EPB41L3: variants seen among roughly 807,000 people sequenced by gnomAD.
EPB41L3 encodes erythrocyte membrane protein band 4.1 like 3, also known as band 4.1-like protein 3.
EPB41L3 carries 57 observed loss-of-function variants against 127.1 expected under a neutral mutation model. The observed-to-expected ratio is 0.45, with a 90% CI of 0.36 to 0.56. EPB41L3 has a LOEUF of 0.56. Ranked by LOEUF, EPB41L3 falls within the 20% of genes least tolerant of loss-of-function variation. The pLI is 0.00. For synonymous variants in EPB41L3, 572 were observed against 549.5 expected, an observed-to-expected ratio of 1.04 and a Z score of -0.57; for missense variants, 1,273 against 1,372.2, an observed-to-expected ratio of 0.93 and a Z score of 1.14.
intron 1 of EPB41L3, among the ~76,000 whole-genome samples, chr18:5,628,718 G>A (rs573224905): frequency 1.3e-5 from 2 of 152,172 alleles, no homozygotes; most frequent in Admixed American, 6.5e-5. Context: ...CGAGGGGGCG[G>A]CCGAACGCGC....
In EPB41L3 at chr18:5,458,775, G is replaced by A. The variant is rs544568841; in HGVS notation, c.382-13531C>T. 2.0e-5 allele frequency among the ~76,000 whole-genome samples: 3 copies of A among 152,342 alleles called. No individual in the cohort carries two copies. The South Asian group carries it at 6.2e-4, about 32-fold the overall frequency. Reference sequence around the variant, plus strand: ...AGTCACCATATTTAGCGGACTAACAGTTAATAATCCTATAAACGAAATGAA... The same window carrying A: ...AGTCACCATATTTAGCGGACTAACAATTAATAATCCTATAAACGAAATGAA... On this transcript the variant is annotated intron_variant, in intron 3 of 22. Transcript: ENST00000341928.
chr18:5,619,470 A>C (rs2094836072), intron 1 of EPB41L3, among the ~76,000 whole-genome samples: 1 of 152,288 alleles, frequency 6.6e-6, no homozygotes, highest in South Asian at 2.1e-4. Context: ...ACTCATTTCC[A>C]GATACAAAGT....
Position 5,478,402 on chromosome 18 carries a change from C to T in EPB41L3, c.220G>A (p.Ala74Thr). 2 of 1,614,124 alleles carry T rather than the reference C, an allele frequency of 1.2e-6. No homozygotes were observed. The highest frequency in any genetic ancestry group is 1.7e-6 in the Non-Finnish European group (2 of 1,180,014). The change falls in exon 3 of 23, where the codon GCA (alanine) becomes ACA (threonine). Residue 74 changes from alanine to threonine, a missense_variant. Physicochemically the swap from Ala to Thr is moderately conservative, Grantham distance 58. Coordinates refer to ENST00000341928, the MANE Select transcript of EPB41L3 (RefSeq NM_012307.5). ...AATTGCTGATATTCGAGCTGTTTTG[C>T]AGCCCTGGCAGCAAACTCCTGTTCC... Reference protein sequence around the residue: ...DKEQEFAARAAKQLEYQQLED... With the variant: ...DKEQEFAARATKQLEYQQLED...
chr18:5,434,763 T>C (rs2079511125), intron 6 of EPB41L3, among the ~76,000 whole-genome samples: 1 of 152,240 alleles, frequency 6.6e-6, no homozygotes, highest in Non-Finnish European at 1.5e-5. Flanking sequence ...AGTGACTACG[T>C]TACTAGTTTA....
At chr18:5,433,643 T>C (rs773554204) in intron 7 of EPB41L3, 87 bp from the exon 8 acceptor site, 65 of 1,221,978 alleles carry the variant, frequency 5.3e-5, no homozygotes, top group Non-Finnish European at 7.1e-5. Flanking sequence ...TGCTATCTCA[T>C]AAGAAGTCCT....
intron 13 of EPB41L3, 44 bp from the exon 14 acceptor site, chr18:5,410,663 A>G (rs2076089883): frequency 6.4e-7 from 1 of 1,560,540 alleles, no homozygotes; most frequent in Non-Finnish European, 8.8e-7. Context: ...GAAGGCAGGG[A>G]CAGAAAGTAA....
At chr18:5,542,603 C>T (rs2149073225) in intron 1 of EPB41L3, among the ~76,000 whole-genome samples, 1 of 152,322 alleles carries the variant, frequency 6.6e-6, no homozygotes, top group Middle Eastern at 3.4e-3. Flanking sequence ...CCGGCCCTCT[C>T]AGGACCTCCC....
chr18:5,398,137 G>C lies in EPB41L3; in HGVS notation c.2356C>G (p.Gln786Glu). 1 of 1,613,996 alleles carries C rather than the reference G, an allele frequency of 6.2e-7. No homozygotes were observed. The highest frequency in any genetic ancestry group is 1.1e-5 in the South Asian group (1 of 91,072). Reference sequence around the variant, plus strand: ...TCCATGAGCTTTTCCCCAGAAGACTGCTTAGTCTGAGTGAACAAAGAGAGG... The same window carrying C: ...TCCATGAGCTTTTCCCCAGAAGACTCCTTAGTCTGAGTGAACAAAGAGAGG... ...IEPLVPEETK[Q>E]SSGEKLMDGS... Residue 786 changes from glutamine (Q) to glutamate (E), a missense_variant, in exon 17 of 23, where the codon CAG (glutamine) becomes GAG (glutamate). This residue lies in a region of EPB41L3 where 765 missense variants were observed against 782.9 expected (regional missense o/e 0.98). Coordinates refer to ENST00000341928, the MANE Select transcript of EPB41L3 (RefSeq NM_012307.5).
At chr18:5,620,378 G>A (rs2094846930) in intron 1 of EPB41L3, among the ~76,000 whole-genome samples, 1 of 152,080 alleles carries the variant, frequency 6.6e-6, no homozygotes, top group Non-Finnish European at 1.5e-5. Flanking sequence ...TAACCTGAAA[G>A]GAAAGAGTAT....
Position 5,519,268 on chromosome 18 carries a change from G to A in EPB41L3, c.-12+24645C>T, listed in dbSNP as rs2092888113. ...GTACAGAGAAGACGCCCCTGCGTGT[G>A]CTCAGGAAGGCTGTCAAACTGCTAA... is the stretch of plus-strand genomic sequence containing the variant. On this transcript the variant is annotated intron_variant, in intron 1 of 22. Coordinates refer to ENST00000341928, the MANE Select transcript of EPB41L3 (RefSeq NM_012307.5). Among the ~76,000 whole-genome samples the A allele has an allele frequency of 2.6e-5, 4 of 152,222 alleles. 1 individual carries two copies. In the South Asian group the frequency reaches 8.3e-4, roughly 32 times the overall value.
chr18:5,629,289 G>A (rs1312401250), upstream of EPB41L3, among the ~76,000 whole-genome samples: 4 of 152,052 alleles, frequency 2.6e-5, no homozygotes, highest in African/African-American at 9.7e-5. Flanking sequence ...GCAGCGCGGA[G>A]TTGCCGGGGT....
intron 5 of EPB41L3, among the ~76,000 whole-genome samples, chr18:5,441,744 G>T (rs533345261): frequency 2.2e-3 from 341 of 152,332 alleles, no homozygotes; most frequent in African/African-American, 7.5e-3. Context: ...GATTACAGGC[G>T]TGAGCCACCG....
At chr18:5,575,768 C>T (rs1599065892) in intron 3 of EPB41L3, among the ~76,000 whole-genome samples, 1 of 152,062 alleles carries the variant, frequency 6.6e-6, no homozygotes, top group South Asian at 2.1e-4. Context: ...ACCCAGGAGA[C>T]GGAGGTTGCA....
intron 1 of EPB41L3, among the ~76,000 whole-genome samples, chr18:5,625,941 A>G (rs1010564104): frequency 6.8e-6 from 1 of 146,806 alleles, no homozygotes; most frequent in East Asian, 2.0e-4. Flanking sequence ...AAGTTCTACC[A>G]TGCTTTTTTT....
chr18:5,587,575 C>A (rs2094451802), intron 3 of EPB41L3, among the ~76,000 whole-genome samples: 1 of 152,110 alleles, frequency 6.6e-6, no homozygotes, highest in Non-Finnish European at 1.5e-5. Flanking sequence ...TAATGGGGCA[C>A]TACTGTATTT....
At chr18:5,480,032 C>G (rs2088108027) in intron 2 of EPB41L3, 1 of 152,140 alleles carries the variant, frequency 6.6e-6, no homozygotes, top group African/African-American at 2.4e-5. Flanking sequence ...AGGCAAAGGT[C>G]ATTAGAAGCT....
intron 16 of EPB41L3, among the ~76,000 whole-genome samples, chr18:5,406,531 T>G (rs1372638431): frequency 6.6e-6 from 1 of 152,158 alleles, no homozygotes; most frequent in East Asian, 1.9e-4. Flanking sequence ...TCAGCTGATT[T>G]TTCACGATAG....
intron 3 of EPB41L3, among the ~76,000 whole-genome samples, chr18:5,579,435 T>C (rs983322955): frequency 6.6e-6 from 1 of 152,184 alleles, no homozygotes. Context: ...TGAATACATA[T>C]CATTAACCAA....
intron 3 of EPB41L3, among the ~76,000 whole-genome samples, chr18:5,595,812 CT>C (rs145265208): frequency 0.015 from 2,305 of 152,234 alleles, 49 homozygotes; most frequent in African/African-American, 0.052. Context: ...TAAATCGGTG[CT>C]TCTTAAGCAG....
Sources: gnomAD v4.1 joint callset for allele counts (sites outside exome capture counted in the v4.1 genomes callset) on GRCh38, gnomAD v4.1.1 for gene constraint, gnomAD v4.1.1 regional missense constraint, MANE v1.5 for transcripts, NCBI Gene and HGNC (gene_info 2026-07-23, HGNC 2026-07-21) for gene names.